The following SYNE3 variants were observed in gnomAD, a reference collection of about 807,000 sequenced individuals.
SYNE3 encodes the protein nesprin-3.
A neutral mutation model predicts 111.2 loss-of-function variants in SYNE3; 100 were observed. That is an observed-to-expected ratio of 0.90 (90% CI 0.77 to 1.06). The LOEUF (loss-of-function observed/expected upper bound fraction) is 1.06. Ranked by LOEUF, SYNE3 falls within the 50% of genes least tolerant of loss-of-function variation. The probability of loss-of-function intolerance (pLI) is 0.00; values close to 1 mark genes in which losing one functional copy is unlikely to be tolerated. For synonymous variants in SYNE3, 547 were observed against 533.9 expected (o/e 1.02, Z -0.34); for missense variants, 1,160 against 1,240.3 (o/e 0.94, Z 0.97).
At chr14:95,511,903 G>A (rs8007006) in intron 1 of SYNE3, among the ~76,000 whole-genome samples, 8,722 of 148,428 alleles carry the variant, frequency 0.059, 282 homozygotes, top group Non-Finnish European at 0.066. Context: ...CTGGAGAGAA[G>A]TGTATTCCCT....
intron 3 of SYNE3, among the ~76,000 whole-genome samples, chr14:95,466,470 G>A (rs1163895994): frequency 3.9e-5 from 6 of 152,200 alleles, no homozygotes; most frequent in Non-Finnish European, 1.5e-5. Flanking sequence ...CTCCCTGCGT[G>A]AGGGTAGGAG....
chr14:95,474,591 C>T (rs1888764378), intron 2 of SYNE3, among the ~76,000 whole-genome samples: 1 of 152,206 alleles, frequency 6.6e-6, no homozygotes, highest in Non-Finnish European at 1.5e-5. Context: ...ACTCCATTTC[C>T]CCAGTTGCAA....
chr14:95,494,323 A>T (rs1889987087), intron 1 of SYNE3, among the ~76,000 whole-genome samples: 1 of 152,182 alleles, frequency 6.6e-6, no homozygotes, highest in Non-Finnish European at 1.5e-5. Flanking sequence ...TGAAGATTCC[A>T]GGAGAGGCTC....
intron 8 of SYNE3, among the ~76,000 whole-genome samples, chr14:95,448,208 A>G (rs1176668203): frequency 1.3e-5 from 2 of 152,248 alleles, no homozygotes; most frequent in African/African-American, 4.8e-5. Context: ...AATGGATTTA[A>G]TCAGATATAA....
rs374141808 is a variant in SYNE3 at position 95,409,526 on chromosome 14, G to A, written c.*8300C>T. On this transcript the variant is annotated 3_prime_UTR_variant, in exon 18 of 18. Coordinates refer to ENST00000682763, the MANE Select transcript of SYNE3 (RefSeq NM_152592.6). ...TCCTTATGATTGCTGTCTCTCGGCT[G>A]GACAAGGTGGTTGGGTTGGGGATGA... The A allele has an allele frequency of 1.0e-5, 4 of 394,720 alleles. No individual in the cohort carries two copies. Among genetic ancestry groups the A allele is most frequent in the Non-Finnish European group, 1.5e-5 (3 of 200,928 alleles). 24.5% of individuals were successfully genotyped at this position (394,720 alleles called of 1,614,324 possible).
At chr14:95,475,982 C>T (rs1888865796) in intron 1 of SYNE3, 147 bp from the exon 2 acceptor site, 2 of 745,390 alleles carry the variant, frequency 2.7e-6, no homozygotes, top group East Asian at 3.3e-5. Flanking sequence ...GAGGTGAGCA[C>T]GTTTGTCAGG....
In SYNE3 at chr14:95,439,797, C is replaced by T. The variant is rs114129358; in HGVS notation, c.2074-13G>A. The T allele has an allele frequency of 1.6e-4, 251 of 1,607,028 alleles. No individual in the cohort carries two copies. Among genetic ancestry groups the T allele is most frequent in the Non-Finnish European group, 2.0e-4 (241 of 1,176,278 alleles). On this transcript the variant is annotated splice_polypyrimidine_tract_variant and intron_variant, in intron 12 of 17. Coordinates refer to ENST00000682763, the MANE Select transcript of SYNE3 (RefSeq NM_152592.6). ...CTGCCACCAGCCTCTAAAGGACACA[C>T]GGACACACAGACACACACACGGTGA...
chr14:95,472,670 T>C (rs904987605), intron 2 of SYNE3, among the ~76,000 whole-genome samples: 1 of 152,142 alleles, frequency 6.6e-6, no homozygotes, highest in African/African-American at 2.4e-5. Context: ...GAAATCCTCC[T>C]GAGGTGCCAC....
At chr14:95,480,006 C>A (rs1889130288) in intron 1 of SYNE3, among the ~76,000 whole-genome samples, 1 of 151,958 alleles carries the variant, frequency 6.6e-6, no homozygotes, top group Non-Finnish European at 1.5e-5. Flanking sequence ...GCCTCTCTGG[C>A]ACGGGAGAAG....
chr14:95,483,724 A>C (rs1260733664), intron 1 of SYNE3, among the ~76,000 whole-genome samples: 1 of 152,178 alleles, frequency 6.6e-6, no homozygotes, highest in Non-Finnish European at 1.5e-5. Context: ...AGTGAGGAGC[A>C]ATTACTGGGC....
intron 1 of SYNE3, among the ~76,000 whole-genome samples, chr14:95,498,738 G>A (rs933178357): frequency 1.3e-5 from 2 of 152,128 alleles, no homozygotes; most frequent in Non-Finnish European, 2.9e-5. Context: ...GGATGACAAT[G>A]GCACCCATAA....
At chr14:95,446,458 C>T (rs1276715516) in intron 8 of SYNE3, among the ~76,000 whole-genome samples, 3 of 152,178 alleles carry the variant, frequency 2.0e-5, no homozygotes, top group African/African-American at 7.2e-5. Flanking sequence ...GCTGCTGCCT[C>T]CCAGTTAGTT....
chr14:95,466,863 C>T (rs1443344137), intron 3 of SYNE3, among the ~76,000 whole-genome samples: 2 of 152,242 alleles, frequency 1.3e-5, no homozygotes, highest in Admixed American at 1.3e-4. Flanking sequence ...GACCCTTCCC[C>T]ATGGCTGGGG....
chr14:95,465,154 G>A (rs893645178), intron 4 of SYNE3, among the ~76,000 whole-genome samples: 5 of 152,002 alleles, frequency 3.3e-5, no homozygotes, highest in African/African-American at 1.2e-4. Context: ...AGGAAACACT[G>A]AAGGAGAAGG....
At chr14:95,449,447 A>C (rs1886920228) in intron 8 of SYNE3, 1 of 985,292 alleles carries the variant, frequency 1.0e-6, no homozygotes. Context: ...TGGGAGATGC[A>C]CGTTTGGAGC....
chr14:95,508,355 C>T (rs537762798), intron 1 of SYNE3, among the ~76,000 whole-genome samples: 2 of 152,312 alleles, frequency 1.3e-5, no homozygotes, highest in East Asian at 3.9e-4. Context: ...TGGACTCCAT[C>T]GGCCCATTCA....
At position 95,417,315 on chromosome 14, in the gene SYNE3, G is replaced by A. The variant is rs1903610949; in HGVS notation, c.*511C>T. The A allele has an allele frequency of 5.6e-6, 1 of 178,702 alleles. No homozygotes were observed. Among genetic ancestry groups the A allele is most frequent in the African/African-American group, 2.3e-5 (1 of 42,714 alleles). 11.1% of individuals were successfully genotyped at this position (178,702 alleles called of 1,614,324 possible). On this transcript the variant is annotated 3_prime_UTR_variant, in exon 18 of 18. Coordinates refer to ENST00000682763, the MANE Select transcript of SYNE3 (RefSeq NM_152592.6). ...CATACTTGTTCTCATTACGCATAAA[G>A]CAAGAGTCGCTGGGCACCAAGTGAG...
rs73339172 is a variant in SYNE3, at chr14:95,445,867, G to A, written c.1632+42C>T. On this transcript the variant is annotated intron_variant, in intron 9 of 17. Transcript: ENST00000682763. ...CCTCCCCAGTGGGTGCTCCAGCCCC[G>A]TGGCCAAGCCAAGTCCCGAGCAGAT... is the stretch of plus-strand genomic sequence containing the variant. 11,335 of 1,602,676 alleles carry A rather than the reference G, an allele frequency of 7.1e-3. 386 individuals are homozygous for A. The African/African-American group carries it at 0.093, about 13-fold the overall frequency.
chr14:95,492,730 T>C (rs1216797578), intron 1 of SYNE3, among the ~76,000 whole-genome samples: 7 of 152,086 alleles, frequency 4.6e-5, no homozygotes, highest in Non-Finnish European at 5.9e-5. Context: ...CTAAGAGGCA[T>C]TGAGGGTAGG....
Sources: gnomAD v4.1 joint callset for allele counts (sites outside exome capture counted in the v4.1 genomes callset) on GRCh38, gnomAD v4.1.1 for gene constraint, MANE v1.5 for transcripts, NCBI Gene and HGNC (gene_info 2026-07-23, HGNC 2026-07-21) for gene names.